SIPA1L3: variants seen among roughly 807,000 people sequenced by gnomAD.
The protein encoded by SIPA1L3 is signal induced proliferation associated 1 like 3.
Under a neutral mutation model 150.1 loss-of-function variants are expected in SIPA1L3, and 59 were observed. The observed-to-expected ratio is 0.39, with a 90% CI of 0.32 to 0.49. SIPA1L3 has a LOEUF of 0.49. Among genes scored for constraint, SIPA1L3 ranks in the 20% least tolerant of loss-of-function variants. The probability of loss-of-function intolerance (pLI) is 0.86; values close to 1 mark genes in which losing one functional copy is unlikely to be tolerated. For synonymous variants in SIPA1L3, 1,070 were observed against 1,077.6 expected, an observed-to-expected ratio of 0.99 and a Z score of 0.14; for missense variants, 2,211 against 2,489.5, an observed-to-expected ratio of 0.89 and a Z score of 2.38.
chr19:37,980,177 A>G lies in SIPA1L3; in HGVS notation c.-378-48912A>G, dbSNP rs116271113. Among the ~76,000 whole-genome samples the G allele has an allele frequency of 1.6e-3, 236 of 152,252 alleles. 1 individual carries two copies. Among genetic ancestry groups the G allele is most frequent in the African/African-American group, 5.5e-3 (227 of 41,560 alleles). On this transcript the variant is annotated intron_variant, in intron 1 of 21. Transcript: ENST00000222345. The stretch of plus-strand genomic sequence containing the variant: ...CATGCATTTATATGCTTCAAAATCA[A>G]TTCTATGTGGATGTGTGAGCAGTCT...
In SIPA1L3 at chr19:38,130,529, T is replaced by C. The variant is rs1971282075; in HGVS notation, c.2900T>C (p.Met967Thr). The C allele has an allele frequency of 6.2e-7, 1 of 1,613,126 alleles. No homozygotes were observed. Among genetic ancestry groups the C allele is most frequent in the Non-Finnish European group, 8.5e-7 (1 of 1,179,902 alleles). The change falls in exon 10 of 22, where the codon ATG becomes ACG. Residue 967 changes from methionine (M) to threonine (T), a missense_variant. This residue lies in a region of SIPA1L3 where 625 missense variants were observed against 804.2 expected (regional missense o/e 0.78). Transcript: ENST00000222345. ...VMTSGWETVD[M>T]TLRRNGLGQL... is the part of the protein sequence containing the mutation. ...ACCAGTGGCTGGGAGACGGTGGACA[T>C]GACGCTTCGGCGGAACGGGCTCGGG...
At chr19:37,940,439 A>G (rs1161404476) in intron 1 of SIPA1L3, among the ~76,000 whole-genome samples, 1 of 152,218 alleles carries the variant, frequency 6.6e-6, no homozygotes. Context: ...GATTCTTTAA[A>G]GACATAATGA....
intron 1 of SIPA1L3, among the ~76,000 whole-genome samples, chr19:38,022,230 A>C (rs1414879836): frequency 6.6e-6 from 1 of 152,214 alleles, no homozygotes; most frequent in Non-Finnish European, 1.5e-5. Context: ...AACCTACTTC[A>C]CAGGTTATTA....
At position 38,179,992 on chromosome 19, in the gene SIPA1L3, G is replaced by A. The variant is rs144169084; in HGVS notation, c.4209-2527G>A. On this transcript the variant is annotated intron_variant, in intron 15 of 21. Transcript: ENST00000222345. ...TGAGTAGCTGAGATTACAGGTGCCC[G>A]CCACCACTCAGTTAATTTTTGTATT... Among the ~76,000 whole-genome samples the A allele has an allele frequency of 9.2e-3, 1,395 of 152,126 alleles. 20 individuals are homozygous for A. Among genetic ancestry groups the A allele is most frequent in the African/African-American group, 0.031 (1,298 of 41,478 alleles).
At chr19:37,966,067 CACAG>C (rs10562189) in intron 1 of SIPA1L3, among the ~76,000 whole-genome samples, 3,270 of 152,310 alleles carry the variant, frequency 0.021, 120 homozygotes, top group African/African-American at 0.074. Flanking sequence ...TTTGGTTAGA[CACAG>C]ACAGAATCCC....
intron 1 of SIPA1L3, among the ~76,000 whole-genome samples, chr19:37,949,528 G>C (rs760934165): frequency 6.6e-6 from 1 of 152,102 alleles, no homozygotes; most frequent in Non-Finnish European, 1.5e-5. Flanking sequence ...AGCCAGGTGT[G>C]GTGGCGCACG....
At chr19:38,142,975 C>T (rs1450859003) in intron 12 of SIPA1L3, among the ~76,000 whole-genome samples, 2 of 152,184 alleles carry the variant, frequency 1.3e-5, no homozygotes, top group South Asian at 4.1e-4. Flanking sequence ...GCAAGAGCAT[C>T]CACTATCCAG....
At chr19:37,968,429 G>T (rs1021503454) in intron 1 of SIPA1L3, among the ~76,000 whole-genome samples, 1 of 152,112 alleles carries the variant, frequency 6.6e-6, no homozygotes, top group Non-Finnish European at 1.5e-5. Flanking sequence ...TTCTATTCTT[G>T]CCTCCTCTAT....
chr19:38,016,503 G>A (rs1006754365), intron 1 of SIPA1L3, among the ~76,000 whole-genome samples: 3 of 151,972 alleles, frequency 2.0e-5, no homozygotes, highest in Admixed American at 1.3e-4. Context: ...GTGAATTCAC[G>A]TCTTCTTTTT....
At chr19:37,922,518 C>CA (rs2046465497) in intron 1 of SIPA1L3, among the ~76,000 whole-genome samples, 1 of 151,882 alleles carries the variant, frequency 6.6e-6, no homozygotes, top group African/African-American at 2.4e-5. Flanking sequence ...CTCAGCCTCC[C>CA]GAGTAGCTGG....
intron 2 of SIPA1L3, among the ~76,000 whole-genome samples, chr19:38,068,223 G>T (rs1969640684): frequency 6.6e-6 from 1 of 151,816 alleles, no homozygotes; most frequent in African/African-American, 2.4e-5. Context: ...TAGAGACGGG[G>T]TTTCACCGTG....
At chr19:38,136,781 A>G (rs1275355600) in intron 10 of SIPA1L3, among the ~76,000 whole-genome samples, 1 of 152,130 alleles carries the variant, frequency 6.6e-6, no homozygotes, top group Non-Finnish European at 1.5e-5. Context: ...GCTCCTGATA[A>G]TTTCGATGAT....
chr19:38,094,075 T>C (rs1970323805), intron 4 of SIPA1L3, among the ~76,000 whole-genome samples: 1 of 152,242 alleles, frequency 6.6e-6, no homozygotes, highest in African/African-American at 2.4e-5. Context: ...GATTTGGGTT[T>C]TTATTTTATT....
intron 1 of SIPA1L3, among the ~76,000 whole-genome samples, chr19:38,007,953 C>A (rs1270283002): frequency 6.6e-6 from 1 of 152,060 alleles, no homozygotes; most frequent in Non-Finnish European, 1.5e-5. Context: ...ATGTGAGCTC[C>A]GTGAAGGCAG....
At chr19:37,916,688 G>A (rs1416357278) in intron 1 of SIPA1L3, among the ~76,000 whole-genome samples, 2 of 151,854 alleles carry the variant, frequency 1.3e-5, no homozygotes, top group Non-Finnish European at 2.9e-5. Context: ...GGCCGAGCGC[G>A]GTGACTCATG....
chr19:37,945,568 G>C (rs1049240714), intron 1 of SIPA1L3, among the ~76,000 whole-genome samples: 13 of 151,918 alleles, frequency 8.6e-5, no homozygotes, highest in Admixed American at 8.5e-4. Context: ...ATCTATGTGA[G>C]TACCGCAGTT....
chr19:38,088,602 C>T (rs899146568), intron 3 of SIPA1L3, 119 bp from the exon 4 acceptor site: 30 of 1,289,906 alleles, frequency 2.3e-5, no homozygotes, highest in Non-Finnish European at 3.2e-5. Context: ...GTTTGCGTGA[C>T]CAGCATCCCA....
intron 16 of SIPA1L3, among the ~76,000 whole-genome samples, chr19:38,184,015 G>A (rs1365262307): frequency 3.9e-5 from 6 of 152,158 alleles, no homozygotes; most frequent in Admixed American, 3.9e-4. Context: ...AAAGAGGAGA[G>A]GGGTGTGCAG....
intron 10 of SIPA1L3, 29 bp downstream of exon 10, chr19:38,130,801 G>A (rs1312132682): frequency 1.9e-6 from 3 of 1,569,478 alleles, no homozygotes; most frequent in East Asian, 2.3e-5. Context: ...CAGCCAGGTG[G>A]TGGGTGGCAG....
Sources: allele counts gnomAD v4.1 joint callset (sites outside exome capture counted in the v4.1 genomes callset), GRCh38; gene constraint gnomAD v4.1.1; regional missense constraint gnomAD v4.1.1; transcripts MANE v1.5; gene names NCBI Gene and HGNC (gene_info 2026-07-23, HGNC 2026-07-21).